Variants in PIEZO2 observed in about 807,000 individuals in gnomAD.
The protein encoded by PIEZO2 is piezo-type mechanosensitive ion channel component 2.
A neutral mutation model predicts 337.3 loss-of-function variants in PIEZO2; 172 were observed. The ratio of observed to expected loss-of-function variants is 0.51; its 90% CI spans 0.45 to 0.58. PIEZO2 has a LOEUF of 0.58. Among genes scored for constraint, PIEZO2 ranks in the 20% least tolerant of loss-of-function variants. PIEZO2 has a pLI of 0.00. For missense variants in PIEZO2, 3,028 were observed against 3,391.3 expected, an observed-to-expected ratio of 0.89 and a Z score of 2.66; for synonymous variants, 1,251 against 1,228.5, an observed-to-expected ratio of 1.02 and a Z score of -0.38.
chr18:10,697,810 C>A lies in PIEZO2; in HGVS notation c.6765G>T (p.Arg2255Ser), dbSNP rs749471045. ...CTTGAAGCTTTTCCATATAAAGTTC[C>A]CTTTTGCCTTTTTGCTTAATACTCA... ...SVLSIKQKGK[R>S]ELYMEKLQEH... Residue 2255 changes from arginine (R) to serine (S), a missense_variant, in exon 45 of 56, where the codon AGG becomes AGT. Coordinates refer to ENST00000674853, the MANE Select transcript of PIEZO2 (RefSeq NM_001378183.1). The A allele has an allele frequency of 1.9e-6, 3 of 1,614,112 alleles. No homozygotes were observed. In the South Asian group the frequency reaches 3.3e-5, roughly 18 times the overall value.
Position 10,676,791 on chromosome 18 carries a change from C to T in PIEZO2, c.8081+956G>A, listed in dbSNP as rs1473207566. 6.6e-6 allele frequency among the ~76,000 whole-genome samples: 1 copy of T among 152,194 alleles called. No homozygotes were observed. The highest frequency in any genetic ancestry group is 6.5e-5 in the Admixed American group (1 of 15,286). On this transcript the variant is annotated intron_variant, in intron 53 of 55. Transcript: ENST00000674853. The surrounding 1 kb of genome is among the most constrained non-coding windows in gnomAD (Gnocchi z 5.1). ...CCCACCTCTTTCCACTGAGGGTGAA[C>T]GAGTGAAGTGGGTACCCACGATCGG...
intron 7 of PIEZO2, among the ~76,000 whole-genome samples, chr18:10,816,974 T>C (rs897800320): frequency 6.6e-6 from 1 of 152,208 alleles, no homozygotes; most frequent in African/African-American, 2.4e-5. Context: ...GGTACAATTA[T>C]AAATGGTGCA....
intron 4 of PIEZO2, among the ~76,000 whole-genome samples, chr18:10,900,487 C>T (rs996813520): frequency 6.6e-6 from 1 of 152,116 alleles, no homozygotes; most frequent in Non-Finnish European, 1.5e-5. Context: ...TGATGAAATG[C>T]AGATATCTCA....
At position 10,684,060 on chromosome 18, in the gene PIEZO2, CCCTT is replaced by C. The variant is rs767907057; in HGVS notation, c.7498-1772_7498-1769del. 2.1e-3 allele frequency among the ~76,000 whole-genome samples: 308 copies of C among 147,548 alleles called. 1 individual carries two copies. The highest frequency in any genetic ancestry group is 7.0e-3 in the African/African-American group (282 of 40,038). On this transcript the variant is annotated intron_variant, in intron 49 of 55. Coordinates refer to ENST00000674853, the MANE Select transcript of PIEZO2 (RefSeq NM_001378183.1). The stretch of plus-strand genomic sequence containing the variant: ...TTCCTTCCTCCTACCCTCCCTCCCT[CCCTT>C]CCTTCCTTCCTTTTTCCTTCCTTCC...
rs2036478581 is a variant in PIEZO2, at chr18:10,725,101, T to C, written c.5029+6306A>G. The C allele has an allele frequency of 3.4e-6, 5 of 1,490,172 alleles. No homozygotes were observed. The African/African-American group carries it at 4.1e-5, about 12-fold the overall frequency. The allele number at this position is 1,490,172 out of a possible 1,614,324, so 92.3% of individuals were successfully genotyped here. On this transcript the variant is annotated intron_variant, in intron 36 of 55. Coordinates refer to ENST00000674853, the MANE Select transcript of PIEZO2 (RefSeq NM_001378183.1). ...CAAGTTCTTTCAGTCGCATTACACCTACAATCCACAGTTCGAGTACCAGGA... is the reference window on the plus strand; with the variant it reads ...CAAGTTCTTTCAGTCGCATTACACCCACAATCCACAGTTCGAGTACCAGGA...
intron 3 of PIEZO2, among the ~76,000 whole-genome samples, chr18:10,970,051 A>G (rs1001636863): frequency 2.0e-5 from 3 of 152,202 alleles, no homozygotes; most frequent in African/African-American, 4.8e-5. Context: ...TCATATTCTA[A>G]TGGGAGAACA....
At chr18:10,907,014 T>A (rs1223810926) in intron 4 of PIEZO2, among the ~76,000 whole-genome samples, 3 of 152,196 alleles carry the variant, frequency 2.0e-5, no homozygotes, top group African/African-American at 7.2e-5. Flanking sequence ...AATGCCTAAG[T>A]GAACTTTGAA....
At chr18:10,694,326 G>A (rs556993180) in intron 47 of PIEZO2, among the ~76,000 whole-genome samples, 3 of 152,266 alleles carry the variant, frequency 2.0e-5, no homozygotes, top group East Asian at 3.9e-4. Context: ...TTTCTCAATA[G>A]GAATTACACT....
chr18:10,901,005 T>A (rs1049977971), intron 4 of PIEZO2, among the ~76,000 whole-genome samples: 1 of 152,156 alleles, frequency 6.6e-6, no homozygotes, highest in Non-Finnish European at 1.5e-5. Flanking sequence ...AAGAAAAGAA[T>A]AGAAAAAAGA....
In PIEZO2 at chr18:10,691,742, T is replaced by C. The variant is rs1026175690; in HGVS notation, c.7191-359A>G. 3.1e-4 allele frequency among the ~76,000 whole-genome samples: 36 copies of C among 115,860 alleles called. 1 individual carries two copies. The highest frequency in any genetic ancestry group is 1.2e-3 in the African/African-American group (34 of 27,950). The allele number at this position is 115,860 out of a possible 152,430, so 76.0% of individuals were successfully genotyped here. A position where few individuals can be genotyped will look rare whatever the true frequency, so the allele number is the denominator to read the frequency against. Reference sequence around the variant, plus strand: ...AAAGAAAAAGCCTATATACATTATATATATGATATATTAAAAATATATATA... The same window carrying C: ...AAAGAAAAAGCCTATATACATTATACATATGATATATTAAAAATATATATA... On this transcript the variant is annotated intron_variant, in intron 47 of 55. Transcript: ENST00000674853.
chr18:11,077,825 G>A lies in PIEZO2; in HGVS notation c.65-11603C>T, dbSNP rs951784472. On this transcript the variant is annotated intron_variant, in intron 1 of 55. Coordinates refer to ENST00000674853, the MANE Select transcript of PIEZO2 (RefSeq NM_001378183.1). The surrounding 1 kb of genome is among the most constrained non-coding windows in gnomAD (Gnocchi z 4.8). ...TTCAACATAAAATAAGGTGGGAATG[G>A]CTTACTAGACTGTGTTACAAAGTAG... Among the ~76,000 whole-genome samples the A allele has an allele frequency of 6.6e-6, 1 of 152,110 alleles. No individual in the cohort carries two copies. The highest frequency in any genetic ancestry group is 2.4e-5 in the African/African-American group (1 of 41,404).
At chr18:11,008,467 C>T (rs1208863174) in intron 2 of PIEZO2, among the ~76,000 whole-genome samples, 1 of 152,148 alleles carries the variant, frequency 6.6e-6, no homozygotes, top group Non-Finnish European at 1.5e-5. Context: ...TGTCGTGGAC[C>T]ACCAACGACT....
intron 2 of PIEZO2, among the ~76,000 whole-genome samples, chr18:11,045,649 A>C (rs2037286445): frequency 6.6e-6 from 1 of 152,122 alleles, no homozygotes; most frequent in Non-Finnish European, 1.5e-5. Context: ...GGGAACTCAA[A>C]TTTTTTGCAG....
chr18:11,042,237 A>T (rs1045041490), intron 2 of PIEZO2, among the ~76,000 whole-genome samples: 3 of 152,188 alleles, frequency 2.0e-5, no homozygotes, highest in African/African-American at 7.2e-5. Flanking sequence ...CAGACCCTGG[A>T]TCTGAGATCT....
chr18:11,054,115 AT>A (rs2037633588), intron 2 of PIEZO2, among the ~76,000 whole-genome samples: 1 of 152,236 alleles, frequency 6.6e-6, no homozygotes. Flanking sequence ...TAGTTAATAA[AT>A]TTAATGCAGG....
rs373783168 is a variant in PIEZO2, at chr18:10,748,879, G to A, written c.4265-249C>T. Among the ~76,000 whole-genome samples, 7 of 152,106 alleles carry A rather than the reference G, an allele frequency of 4.6e-5. No homozygotes were observed. The highest frequency in any genetic ancestry group is 8.8e-5 in the Non-Finnish European group (6 of 68,018). Reference sequence around the variant, plus strand: ...CAAGGCTCAGGAGGGCCCTTTTTACGTGGGAGGCCTCTTGAGTATTTCTCT... The same window carrying A: ...CAAGGCTCAGGAGGGCCCTTTTTACATGGGAGGCCTCTTGAGTATTTCTCT... On this transcript the variant is annotated intron_variant, in intron 29 of 55. Transcript: ENST00000674853. The surrounding 1 kb of genome is among the most constrained non-coding windows in gnomAD (Gnocchi z 5.1).
rs2038095735 is a variant in PIEZO2, at chr18:10,760,813, G to A, written c.3450+98C>T. ...TCTCAAGGGGACAGCTATCATGCCT[G>A]CAGATGTATCACAAAGTTCCAGTGG... On this transcript the variant is annotated intron_variant, in intron 24 of 55. Coordinates refer to ENST00000674853, the MANE Select transcript of PIEZO2 (RefSeq NM_001378183.1). The A allele has an allele frequency of 3.2e-6, 3 of 939,632 alleles. No homozygotes were observed. In the African/African-American group the frequency reaches 4.9e-5, roughly 15 times the overall value. 58.2% of individuals were successfully genotyped at this position (939,632 alleles called of 1,614,324 possible).
intron 7 of PIEZO2, among the ~76,000 whole-genome samples, chr18:10,843,441 T>C (rs949153199): frequency 6.6e-6 from 1 of 152,182 alleles, no homozygotes; most frequent in Non-Finnish European, 1.5e-5. Flanking sequence ...AAAGTCAATC[T>C]TTCTACTTCA....
In PIEZO2 at chr18:10,704,600, G is replaced by C; in HGVS notation, c.6052C>G (p.Pro2018Ala). 6.5e-7 allele frequency: 1 copy of C among 1,537,248 alleles called. No homozygotes were observed. The highest frequency in any genetic ancestry group is 8.7e-7 in the Non-Finnish European group (1 of 1,146,900). ...EESEKFYVGQPRFLLLFYAMY... is the reference protein window; with the variant it reads ...EESEKFYVGQARFLLLFYAMY... ...GCATAGAAGAGCAGCAGAAATCGGGGCTGCCCCACGTAGAATTTCTCTGAC... is the reference window on the plus strand; with the variant it reads ...GCATAGAAGAGCAGCAGAAATCGGGCCTGCCCCACGTAGAATTTCTCTGAC... The change falls in exon 42 of 56, where the codon CCC becomes GCC. Residue 2018 changes from proline (P) to alanine (A), a missense_variant. This residue lies in a region of PIEZO2 where 1,925 missense variants were observed against 2,051.9 expected (regional missense o/e 0.94). Transcript: ENST00000674853.
Sources: allele counts gnomAD v4.1 joint callset (sites outside exome capture counted in the v4.1 genomes callset), GRCh38; gene constraint gnomAD v4.1.1; regional missense constraint gnomAD v4.1.1; non-coding constraint Gnocchi (gnomAD v3.1); transcripts MANE v1.5; gene names NCBI Gene and HGNC (gene_info 2026-07-23, HGNC 2026-07-21).